The following SUMF1 variants were observed in gnomAD, a reference collection of about 807,000 sequenced individuals.
The protein encoded by SUMF1 is formylglycine-generating enzyme.
SUMF1 carries 48 observed loss-of-function variants against 47.6 expected under a neutral mutation model. The ratio of observed to expected loss-of-function variants is 1.01; its 90% CI spans 0.80 to 1.28. SUMF1 has a LOEUF of 1.28. Ranked by LOEUF, SUMF1 falls within the 50% of genes most tolerant of loss-of-function variation. The pLI is 0.00. For synonymous variants in SUMF1, 230 were observed against 192.1 expected, an observed-to-expected ratio of 1.20 and a Z score of -1.63; for missense variants, 571 against 485.4, an observed-to-expected ratio of 1.18 and a Z score of -1.66.
intron 8 of SUMF1, among the ~76,000 whole-genome samples, chr3:4,364,587 T>G (rs1699884582): frequency 6.6e-6 from 1 of 151,656 alleles, no homozygotes; most frequent in Admixed American, 6.6e-5. Flanking sequence ...TTATCATTTT[T>G]TATTGGGTCT....
chr3:4,197,549 C>T (rs1026939180), intron 8 of SUMF1, among the ~76,000 whole-genome samples: 1 of 152,016 alleles, frequency 6.6e-6, no homozygotes, highest in Non-Finnish European at 1.5e-5. Flanking sequence ...AAGAAATTAC[C>T]CTGCTTCTCT....
intron 8 of SUMF1, among the ~76,000 whole-genome samples, chr3:4,363,199 A>G (rs879456024): frequency 2.6e-5 from 4 of 152,198 alleles, no homozygotes; most frequent in Non-Finnish European, 5.9e-5. Context: ...AACAACACTA[A>G]GACACCATTT....
chr3:4,197,465 A>G (rs575987104), intron 8 of SUMF1, among the ~76,000 whole-genome samples: 41 of 152,214 alleles, frequency 2.7e-4, no homozygotes, highest in Admixed American at 4.6e-4. Context: ...AGGTTTAGAG[A>G]TGAGAGGGCA....
At chr3:4,337,582 G>A (rs907185099) in intron 8 of SUMF1, among the ~76,000 whole-genome samples, 1 of 151,830 alleles carries the variant, frequency 6.6e-6, no homozygotes, top group Non-Finnish European at 1.5e-5. Flanking sequence ...GTACCTACCT[G>A]AGCAGCCCAC....
At chr3:4,209,295 T>C (rs1266145588) in intron 8 of SUMF1, among the ~76,000 whole-genome samples, 1 of 152,172 alleles carries the variant, frequency 6.6e-6, no homozygotes, top group Non-Finnish European at 1.5e-5. Flanking sequence ...CATGCCATAA[T>C]ACAAGGTACT....
chr3:4,285,459 T>C (rs1396668136), intron 8 of SUMF1, among the ~76,000 whole-genome samples: 1 of 152,170 alleles, frequency 6.6e-6, no homozygotes, highest in African/African-American at 2.4e-5. Context: ...ATTTTCACAA[T>C]GAGAATGTAT....
intron 8 of SUMF1, among the ~76,000 whole-genome samples, chr3:4,241,985 T>C (rs1459020533): frequency 6.6e-6 from 1 of 152,126 alleles, no homozygotes; most frequent in Non-Finnish European, 1.5e-5. Flanking sequence ...GCTGGCACCA[T>C]GTAGTCCGTT....
intron 8 of SUMF1, among the ~76,000 whole-genome samples, chr3:4,209,328 TG>T (rs1389066048): frequency 6.6e-6 from 1 of 152,168 alleles, no homozygotes; most frequent in African/African-American, 2.4e-5. Context: ...GCAAACATCA[TG>T]GAGAACAAAA....
chr3:4,099,771 A>G (rs1692989236), intron 8 of SUMF1, among the ~76,000 whole-genome samples: 1 of 152,050 alleles, frequency 6.6e-6, no homozygotes, highest in South Asian at 2.1e-4. Flanking sequence ...AGGATACAAA[A>G]CCAACATGCA....
chr3:4,122,337 C>T (rs757319657), intron 8 of SUMF1, among the ~76,000 whole-genome samples: 4 of 152,020 alleles, frequency 2.6e-5, no homozygotes, highest in African/African-American at 4.8e-5. Context: ...ATGAAATATT[C>T]GGAATAGGTA....
chr3:4,147,218 G>C (rs936439203), intron 8 of SUMF1, among the ~76,000 whole-genome samples: 1 of 152,110 alleles, frequency 6.6e-6, no homozygotes, highest in Admixed American at 6.6e-5. Flanking sequence ...CTGTTGGTGG[G>C]ACTGTAAACT....
intron 3 of SUMF1, among the ~76,000 whole-genome samples, chr3:4,424,547 T>A (rs1453141090): frequency 2.0e-5 from 3 of 152,166 alleles, no homozygotes; most frequent in African/African-American, 2.4e-5. Flanking sequence ...GAAGCAAGTA[T>A]GCAAAGATAT....
intron 8 of SUMF1, among the ~76,000 whole-genome samples, chr3:4,235,295 T>C (rs1696383406): frequency 6.6e-6 from 1 of 152,144 alleles, no homozygotes; most frequent in South Asian, 2.1e-4. Context: ...GGTGGTGCCA[T>C]CCATTGTCAT....
intron 1 of SUMF1, among the ~76,000 whole-genome samples, chr3:4,463,661 T>C (rs888238496): frequency 2.0e-5 from 3 of 152,220 alleles, no homozygotes; most frequent in Admixed American, 6.5e-5. Flanking sequence ...TTGTGCCTCA[T>C]TGCCCAGGGA....
At chr3:4,086,048 G>T (rs1692664686) in intron 8 of SUMF1, among the ~76,000 whole-genome samples, 1 of 151,938 alleles carries the variant, frequency 6.6e-6, no homozygotes, top group Non-Finnish European at 1.5e-5. Context: ...AAAGCCAATT[G>T]CCTCCAACAA....
chr3:4,108,845 T>C (rs1693221014), intron 8 of SUMF1, among the ~76,000 whole-genome samples: 1 of 152,132 alleles, frequency 6.6e-6, no homozygotes, highest in Non-Finnish European at 1.5e-5. Flanking sequence ...GTTTCCTGAA[T>C]ACAGCACACT....
At chr3:4,105,079 G>T (rs80030419) in intron 8 of SUMF1, among the ~76,000 whole-genome samples, 1 of 152,132 alleles carries the variant, frequency 6.6e-6, no homozygotes, top group African/African-American at 2.4e-5. Context: ...CCTGTCATTT[G>T]CTGCAACATG....
chr3:4,065,351 G>A (rs1228042572), intron 9 of SUMF1, among the ~76,000 whole-genome samples: 1 of 152,072 alleles, frequency 6.6e-6, no homozygotes, highest in Non-Finnish European at 1.5e-5. Context: ...AAGGCCTAGA[G>A]CCTGAAGAAG....
chr3:4,305,275 AG>A (rs1698145533), intron 8 of SUMF1, among the ~76,000 whole-genome samples: 1 of 152,018 alleles, frequency 6.6e-6, no homozygotes, highest in Admixed American at 6.6e-5. Context: ...TAGTAGAGAC[AG>A]GGTTTTACCA....
Sources: gnomAD v4.1 joint callset for allele counts (sites outside exome capture counted in the v4.1 genomes callset) on GRCh38, gnomAD v4.1.1 for gene constraint, MANE v1.5 for transcripts, NCBI Gene and HGNC (gene_info 2026-07-23, HGNC 2026-07-21) for gene names.